The following ZNF341 variants were observed in gnomAD, a reference collection of about 807,000 sequenced individuals.
ZNF341 encodes the protein zinc finger protein 341.
Under a neutral mutation model 87.7 loss-of-function variants are expected in ZNF341, and 52 were observed. The ratio of observed to expected loss-of-function variants is 0.59; its 90% CI spans 0.47 to 0.75. The LOEUF (loss-of-function observed/expected upper bound fraction) is 0.75, where lower values mean the gene tolerates loss of function less well. ZNF341 is among the 30% of genes least tolerant of loss of function. ZNF341 has a pLI of 0.00. For missense variants in ZNF341, 977 were observed against 1,145.9 expected, an observed-to-expected ratio of 0.85 and a Z score of 2.13; for synonymous variants, 459 against 472.7, an observed-to-expected ratio of 0.97 and a Z score of 0.38.
intron 11 of ZNF341, 129 bp downstream of exon 11, chr20:33,781,516 C>A: frequency 1.3e-6 from 1 of 761,180 alleles, no homozygotes; most frequent in Non-Finnish European, 2.2e-6. Flanking sequence ...TCAGGGGCTG[C>A]TCCACAGATG....
intron 1 of ZNF341, among the ~76,000 whole-genome samples, chr20:33,740,455 A>G (rs376129449): frequency 1.2e-4 from 19 of 152,278 alleles, no homozygotes; most frequent in Non-Finnish European, 2.1e-4. Context: ...CACAATGGAA[A>G]TAGAAGAGAA....
At chr20:33,739,849 CAG>C (rs1464533392) in intron 1 of ZNF341, among the ~76,000 whole-genome samples, 1 of 152,114 alleles carries the variant, frequency 6.6e-6, no homozygotes, top group Non-Finnish European at 1.5e-5. Flanking sequence ...ACAAGGTTCT[CAG>C]AGGCCCAGGA....
chr20:33,734,019 C>A (rs1029476414), intron 1 of ZNF341, among the ~76,000 whole-genome samples: 1 of 152,142 alleles, frequency 6.6e-6, no homozygotes, highest in African/African-American at 2.4e-5. Context: ...GTTTGGACTT[C>A]CTCATTGTTT....
chr20:33,783,969 G>A, intron 12 of ZNF341, 105 bp downstream of exon 12: 2 of 1,129,402 alleles, frequency 1.8e-6, no homozygotes, highest in Non-Finnish European at 2.5e-6. Flanking sequence ...TCTTCTCCCT[G>A]TCTCCCTCAG....
chr20:33,785,942 C>T (rs988461536), intron 12 of ZNF341, among the ~76,000 whole-genome samples: 2 of 149,534 alleles, frequency 1.3e-5, no homozygotes. Context: ...GAAGTTGTTA[C>T]CAACAGCACC....
chr20:33,734,466 A>G (rs2018639192), intron 1 of ZNF341, among the ~76,000 whole-genome samples: 1 of 152,168 alleles, frequency 6.6e-6, no homozygotes, highest in Admixed American at 6.6e-5. Context: ...TGGGCTGGTA[A>G]ACAACTGTGG....
intron 2 of ZNF341, 84 bp from the exon 3 acceptor site, chr20:33,745,019 G>T: frequency 7.9e-7 from 1 of 1,267,564 alleles, no homozygotes; most frequent in Admixed American, 1.9e-5. Flanking sequence ...ATACTGTGAT[G>T]CCCCTTGACA....
At chr20:33,738,414 G>T (rs1036246900) in intron 1 of ZNF341, among the ~76,000 whole-genome samples, 2 of 152,148 alleles carry the variant, frequency 1.3e-5, no homozygotes, top group Non-Finnish European at 2.9e-5. Flanking sequence ...CTAACCTCAT[G>T]GTCTTTCATT....
chr20:33,779,607 CG>C (rs2019699971), intron 10 of ZNF341, among the ~76,000 whole-genome samples: 1 of 152,006 alleles, frequency 6.6e-6, no homozygotes, highest in Non-Finnish European at 1.5e-5. Context: ...GGTGCCACCA[CG>C]CCTGGCTAAT....
At chr20:33,757,086 C>T (rs2019191077) in intron 5 of ZNF341, 62 bp from the exon 6 acceptor site, 2 of 1,328,364 alleles carry the variant, frequency 1.5e-6, no homozygotes, top group Admixed American at 5.9e-5. Context: ...GAGAGTGCCC[C>T]TGGCTGGGAG....
chr20:33,759,087 T>G (rs555976195), intron 7 of ZNF341, among the ~76,000 whole-genome samples: 47 of 152,230 alleles, frequency 3.1e-4, no homozygotes, highest in African/African-American at 1.1e-3. Flanking sequence ...TTCACAGATG[T>G]GTTAGTGCTG....
At chr20:33,749,191 A>G (rs2019005207) in intron 4 of ZNF341, 119 bp downstream of exon 4, 8 of 1,367,918 alleles carry the variant, frequency 5.8e-6, no homozygotes, top group Non-Finnish European at 6.8e-6. Context: ...ATGCTGAGGG[A>G]GGCTATCAGC....
intron 8 of ZNF341, among the ~76,000 whole-genome samples, chr20:33,764,745 T>G (rs748990140): frequency 1.3e-4 from 19 of 151,480 alleles, no homozygotes; most frequent in Non-Finnish European, 2.1e-4. Flanking sequence ...CTTTTTTTAA[T>G]AAATTTTTGA....
At chr20:33,754,050 A>G (rs953332214) in intron 5 of ZNF341, among the ~76,000 whole-genome samples, 1 of 152,256 alleles carries the variant, frequency 6.6e-6, no homozygotes, top group South Asian at 2.1e-4. Flanking sequence ...TGGAGGTGCA[A>G]AAATGCAGAC....
At chr20:33,763,300 G>A (rs534038699) in intron 8 of ZNF341, among the ~76,000 whole-genome samples, 18 of 152,130 alleles carry the variant, frequency 1.2e-4, no homozygotes, top group Admixed American at 2.6e-4. Flanking sequence ...TTGTACCAAC[G>A]GGTAGTTTTT....
intron 6 of ZNF341, 96 bp downstream of exon 6, chr20:33,757,439 G>T: frequency 8.9e-7 from 1 of 1,123,194 alleles, no homozygotes; most frequent in African/African-American, 1.6e-5. Context: ...GTTCAAGTTT[G>T]GTTGCATGTA....
At chr20:33,734,491 T>C (rs1391235016) in intron 1 of ZNF341, among the ~76,000 whole-genome samples, 1 of 151,718 alleles carries the variant, frequency 6.6e-6, no homozygotes, top group Admixed American at 6.6e-5. Flanking sequence ...GGAAAGACAG[T>C]TTATTTGAGA....
At chr20:33,747,426 T>TCG (rs2018951562) in intron 3 of ZNF341, among the ~76,000 whole-genome samples, 1 of 145,194 alleles carries the variant, frequency 6.9e-6, no homozygotes, top group South Asian at 2.1e-4. Context: ...CCATCCCGGC[T>TCG]AAAACGGTGA....
intron 10 of ZNF341, 43 bp downstream of exon 10, chr20:33,770,335 T>TGGGGGGGGG: frequency 2.6e-5 from 10 of 380,178 alleles, no homozygotes; most frequent in East Asian, 7.4e-5. Context: ...GACGGGTGGG[T>TGGGGGGGGG]GGGCAGGGAG....
Sources: allele counts gnomAD v4.1 joint callset (sites outside exome capture counted in the v4.1 genomes callset), GRCh38; gene constraint gnomAD v4.1.1; transcripts MANE v1.5; gene names NCBI Gene and HGNC (gene_info 2026-07-23, HGNC 2026-07-21).